Variants in PUDP observed in about 807,000 individuals in gnomAD.
PUDP encodes pseudouridine 5'-phosphatase.
In PUDP, 8 loss-of-function variants were observed where a neutral mutation model predicts 9.4. The observed-to-expected ratio is 0.85, with a 90% CI of 0.50 to 1.53. PUDP has a LOEUF of 1.53. PUDP is among the 40% of genes most tolerant of loss of function. The probability of loss-of-function intolerance (pLI) is 0.00; values close to 1 mark genes in which losing one functional copy is unlikely to be tolerated. For synonymous variants in PUDP, 99 were observed against 80.7 expected (o/e 1.23, Z -1.22); for missense variants, 188 against 189.7 (o/e 0.99, Z 0.05).
intron 1 of PUDP, among the ~76,000 whole-genome samples, chrX:7,024,117 A>G (rs1929672507): frequency 9.0e-6 from 1 of 111,524 alleles, no homozygotes; most frequent in African/African-American, 3.3e-5. Flanking sequence ...TGGATTTTTG[A>G]TTATGTTGTC....
chrX:6,899,548 G>C (rs1164382933), intron 3 of PUDP, among the ~76,000 whole-genome samples: 1 of 111,760 alleles, frequency 8.9e-6, no homozygotes, highest in African/African-American at 3.3e-5. Context: ...ACTCGAGTCT[G>C]GGTGACAGAA....
intron 3 of PUDP, among the ~76,000 whole-genome samples, chrX:6,864,054 G>C (rs753428303): frequency 9.0e-6 from 1 of 111,311 alleles, no homozygotes; most frequent in African/African-American, 3.3e-5. Context: ...CACATGTAGT[G>C]AGTGGCCACC....
intron 3 of PUDP, among the ~76,000 whole-genome samples, chrX:6,752,743 C>G (rs1052132988): frequency 1.8e-5 from 2 of 110,554 alleles, no homozygotes; most frequent in Non-Finnish European, 3.8e-5. Flanking sequence ...GTGCCATTTA[C>G]TGAGATAAGA....
intron 3 of PUDP, among the ~76,000 whole-genome samples, chrX:7,064,211 C>T (rs943599174): frequency 2.7e-5 from 3 of 111,438 alleles, no homozygotes; most frequent in Non-Finnish European, 3.8e-5. Flanking sequence ...TGGAAGAGCC[C>T]ACTCTCTAGT....
At chrX:6,771,992 A>T (rs1276756869) in intron 3 of PUDP, among the ~76,000 whole-genome samples, 1 of 112,865 alleles carries the variant, frequency 8.9e-6, no homozygotes, top group Non-Finnish European at 1.9e-5. Flanking sequence ...GTGATGCAGA[A>T]CCAAGTGAAA....
chrX:6,947,969 TC>T (rs1928494163), intron 3 of PUDP, among the ~76,000 whole-genome samples: 1 of 111,369 alleles, frequency 9.0e-6, no homozygotes, highest in South Asian at 3.8e-4. Flanking sequence ...CACAATATTG[TC>T]CTTTGGGCTT....
At chrX:7,128,291 C>T (rs1252143909) in intron 1 of PUDP, among the ~76,000 whole-genome samples, 1 of 111,990 alleles carries the variant, frequency 8.9e-6, no homozygotes, top group Non-Finnish European at 1.9e-5. Flanking sequence ...ATCCACATGC[C>T]TCGGCCTCCC....
At chrX:7,020,637 C>T (rs1415281906) in intron 1 of PUDP, among the ~76,000 whole-genome samples, 1 of 112,352 alleles carries the variant, frequency 8.9e-6, no homozygotes, top group Non-Finnish European at 1.9e-5. Context: ...TATTCATTTT[C>T]CCTGTCATTT....
At chrX:6,918,993 T>C (rs933495675) in intron 3 of PUDP, among the ~76,000 whole-genome samples, 6 of 112,141 alleles carry the variant, frequency 5.4e-5, no homozygotes, top group African/African-American at 1.9e-4. Context: ...TACGTTCATG[T>C]CTCCATTAAT....
chrX:6,985,995 G>A (rs957206267), intron 1 of PUDP, among the ~76,000 whole-genome samples: 2 of 111,499 alleles, frequency 1.8e-5, no homozygotes, highest in African/African-American at 6.5e-5. Flanking sequence ...CCAAAACCAA[G>A]ATGGTGAAGA....
In PUDP at chrX:6,951,244, CA is replaced by C. The variant is rs1334804456; in HGVS notation, c.*247+25888del. 3.0e-3 allele frequency among the ~76,000 whole-genome samples: 204 copies of C among 68,081 alleles called. 2 individuals carry two copies. The highest frequency in any genetic ancestry group is 4.7e-3 in the Admixed American group (22 of 4,686). The allele number at this position is 68,081 out of a possible 115,157, so 59.1% of individuals were successfully genotyped here. ...TCCATCCATCCATCCATCCATCCAT[CA>C]TATCTATCTATCTATCTATCTATCT... On this transcript the variant is annotated intron_variant and NMD_transcript_variant, in intron 3 of 3. Coordinates refer to the PUDP transcript ENST00000655425.
In PUDP at chrX:6,839,952, T is replaced by C. The variant is rs146523327; in HGVS notation, c.*248-133486A>G. On this transcript the variant is annotated intron_variant and NMD_transcript_variant, in intron 3 of 3. Transcript: ENST00000655425. Reference sequence around the variant, plus strand: ...ACCTAGATTTTTTAGTGCATTTATTTATAATTGCCAAATCTTGGAAGCAAC... The same window carrying C: ...ACCTAGATTTTTTAGTGCATTTATTCATAATTGCCAAATCTTGGAAGCAAC... Among the ~76,000 whole-genome samples, 360 of 111,194 alleles carry C rather than the reference T, an allele frequency of 3.2e-3. 3 individuals carry two copies. The highest frequency in any genetic ancestry group is 0.011 in the African/African-American group (330 of 30,581).
In PUDP at chrX:6,711,409, C is replaced by T. The variant is rs1347151873; in HGVS notation, n.129-4943G>A. 3.6e-5 allele frequency among the ~76,000 whole-genome samples: 4 copies of T among 111,113 alleles called. No homozygotes were observed. In the East Asian group the frequency reaches 8.5e-4, roughly 24 times the overall value. The stretch of plus-strand genomic sequence containing the variant: ...GTGCTGCGAGACCCTCTCTGGAATG[C>T]GGGTCTTAGGATCTACAGTCAAACC... On this transcript the variant is annotated intron_variant and non_coding_transcript_variant, in intron 1 of 2. Transcript: ENST00000438499.
chrX:6,891,363 C>CT (rs755513284), intron 3 of PUDP, among the ~76,000 whole-genome samples: 1 of 112,278 alleles, frequency 8.9e-6, no homozygotes, highest in African/African-American at 3.2e-5. Context: ...AAGGTGCAGC[C>CT]TGTCTTTCAT....
intron 3 of PUDP, among the ~76,000 whole-genome samples, chrX:6,895,217 G>A (rs1295486081): frequency 9.5e-6 from 1 of 104,824 alleles, no homozygotes; most frequent in Non-Finnish European, 1.9e-5. Flanking sequence ...TATTGTGTAG[G>A]CTGTATATAA....
intron 3 of PUDP, among the ~76,000 whole-genome samples, chrX:6,765,081 A>G (rs772171712): frequency 2.8e-5 from 3 of 108,076 alleles, no homozygotes; most frequent in African/African-American, 1.0e-4. Flanking sequence ...AGCCTGGGCA[A>G]CGTGGTGAAA....
chrX:7,080,165 C>T (rs1253424031), intron 2 of PUDP, among the ~76,000 whole-genome samples: 1 of 111,753 alleles, frequency 8.9e-6, no homozygotes, highest in Admixed American at 9.5e-5. Flanking sequence ...CAGATTCTAA[C>T]ATCGATAAAA....
intron 1 of PUDP, among the ~76,000 whole-genome samples, chrX:7,012,973 A>G (rs1929499197): frequency 8.9e-6 from 1 of 111,834 alleles, no homozygotes; most frequent in South Asian, 3.8e-4. Flanking sequence ...CTATGTGAGT[A>G]GCATTAAGTT....
chrX:7,116,036 T>C (rs1369219740), intron 1 of PUDP, among the ~76,000 whole-genome samples: 2 of 112,684 alleles, frequency 1.8e-5, no homozygotes, highest in African/African-American at 3.2e-5. Flanking sequence ...TGTCCATGTG[T>C]GAAGGTAAAT....
Sources: gnomAD v4.1 joint callset for allele counts (sites outside exome capture counted in the v4.1 genomes callset) on GRCh38, gnomAD v4.1.1 for gene constraint, MANE v1.5 for transcripts, NCBI Gene and HGNC (gene_info 2026-07-23, HGNC 2026-07-21) for gene names.